The following ERBB4 variants were observed in gnomAD, a reference collection of about 807,000 sequenced individuals.
The protein encoded by ERBB4 is erb-b2 receptor tyrosine kinase 4.
ERBB4 carries 42 observed loss-of-function variants against 158.0 expected under a neutral mutation model. That is an observed-to-expected ratio of 0.27 (90% CI 0.21 to 0.34). ERBB4 has a LOEUF of 0.34. ERBB4 is among the 10% of genes least tolerant of loss of function. The pLI is 1.00. For synonymous variants in ERBB4, 583 were observed against 558.7 expected, an observed-to-expected ratio of 1.04 and a Z score of -0.61; for missense variants, 1,333 against 1,624.1, an observed-to-expected ratio of 0.82 and a Z score of 3.08.
intron 2 of ERBB4, among the ~76,000 whole-genome samples, chr2:211,956,482 C>A (rs1028530742): frequency 2.0e-5 from 3 of 151,982 alleles, no homozygotes; most frequent in African/African-American, 7.2e-5. Flanking sequence ...AATTTGGGTT[C>A]TGTAGTCTCA....
intron 19 of ERBB4, among the ~76,000 whole-genome samples, chr2:211,570,532 G>GAAAA (rs71054112): frequency 6.8e-6 from 1 of 146,138 alleles, no homozygotes; most frequent in Non-Finnish European, 1.5e-5. Flanking sequence ...TCTGGGCAGG[G>GAAAA]AAAAAAAAAA....
chr2:211,555,239 G>A (rs1422829313), intron 20 of ERBB4, among the ~76,000 whole-genome samples: 1 of 152,026 alleles, frequency 6.6e-6, no homozygotes, highest in Non-Finnish European at 1.5e-5. Flanking sequence ...AGGCTGGAGT[G>A]CAATGGCACG....
chr2:212,099,896 A>G (rs974538516), intron 2 of ERBB4, among the ~76,000 whole-genome samples: 2 of 151,812 alleles, frequency 1.3e-5, no homozygotes, highest in African/African-American at 4.8e-5. Context: ...TCTGCAGCAT[A>G]CTAATTCCAT....
chr2:211,391,148 T>C (rs529935087), intron 25 of ERBB4, among the ~76,000 whole-genome samples: 73 of 152,328 alleles, frequency 4.8e-4, no homozygotes, highest in Admixed American at 4.4e-3. Context: ...AGATTTTACT[T>C]GTTTTTGCTG....
intron 4 of ERBB4, among the ~76,000 whole-genome samples, chr2:211,757,276 A>G (rs1219792935): frequency 6.6e-6 from 1 of 152,168 alleles, no homozygotes; most frequent in Non-Finnish European, 1.5e-5. Flanking sequence ...GGAAACTTTA[A>G]CTTTCATACA....
At chr2:212,379,356 ACAG>A (rs1364150199) in intron 1 of ERBB4, among the ~76,000 whole-genome samples, 6 of 151,748 alleles carry the variant, frequency 4.0e-5, no homozygotes, top group Non-Finnish European at 7.4e-5. Flanking sequence ...AAGAAAGAGC[ACAG>A]CTATGTGAAG....
intron 1 of ERBB4, among the ~76,000 whole-genome samples, chr2:212,322,477 A>G (rs1313419423): frequency 6.6e-6 from 1 of 150,602 alleles, no homozygotes; most frequent in African/African-American, 2.4e-5. Context: ...TGATTACTAA[A>G]TGTCTTCTAG....
At chr2:211,388,062 A>C in intron 25 of ERBB4, 70 bp from the exon 26 acceptor site, 1 of 1,234,666 alleles carries the variant, frequency 8.1e-7, no homozygotes, top group Non-Finnish European at 1.2e-6. Flanking sequence ...TAAAAAAAGA[A>C]ACGAAAAAGA....
intron 3 of ERBB4, among the ~76,000 whole-genome samples, chr2:211,894,198 T>C (rs1575333485): frequency 1.7e-5 from 2 of 120,920 alleles, no homozygotes; most frequent in African/African-American, 6.6e-5. Flanking sequence ...TAAGAAAATG[T>C]GGCACATATA....
At chr2:212,163,126 T>C (rs963225204) in intron 1 of ERBB4, among the ~76,000 whole-genome samples, 1 of 152,014 alleles carries the variant, frequency 6.6e-6, no homozygotes, top group Non-Finnish European at 1.5e-5. Flanking sequence ...TTTTATGGCA[T>C]GTTTTTTGCT....
At chr2:211,918,325 C>A (rs2079758180) in intron 3 of ERBB4, among the ~76,000 whole-genome samples, 1 of 151,956 alleles carries the variant, frequency 6.6e-6, no homozygotes, top group Non-Finnish European at 1.5e-5. Flanking sequence ...ATATTTAAAA[C>A]TTTTTTTTAT....
chr2:212,174,199 G>A (rs2125677542), intron 1 of ERBB4, among the ~76,000 whole-genome samples: 1 of 152,120 alleles, frequency 6.6e-6, no homozygotes, highest in Middle Eastern at 3.4e-3. Flanking sequence ...TTTAAAATCT[G>A]ACATTTTTGG....
chr2:212,066,242 G>A (rs1292221490), intron 2 of ERBB4, among the ~76,000 whole-genome samples: 3 of 151,934 alleles, frequency 2.0e-5, no homozygotes, highest in African/African-American at 7.2e-5. Context: ...TAAAGATTAA[G>A]AGGGTTTTCA....
At chr2:212,025,631 A>G (rs2076755774) in intron 2 of ERBB4, among the ~76,000 whole-genome samples, 1 of 151,802 alleles carries the variant, frequency 6.6e-6, no homozygotes, top group African/African-American at 2.4e-5. Context: ...TGCATTAATT[A>G]TATCATAAGA....
intron 2 of ERBB4, among the ~76,000 whole-genome samples, chr2:212,032,709 G>C (rs1476593833): frequency 6.6e-6 from 1 of 151,930 alleles, no homozygotes; most frequent in Non-Finnish European, 1.5e-5. Flanking sequence ...ATTTGGTGGG[G>C]GAGGGTGGTA....
chr2:211,522,800 G>T (rs1033049471), intron 20 of ERBB4, among the ~76,000 whole-genome samples: 2 of 151,998 alleles, frequency 1.3e-5, no homozygotes, highest in Non-Finnish European at 2.9e-5. Context: ...CATGTACACT[G>T]CTTTTTAGAT....
chr2:212,016,213 T>A (rs2076526740), intron 2 of ERBB4, among the ~76,000 whole-genome samples: 1 of 151,714 alleles, frequency 6.6e-6, no homozygotes, highest in African/African-American at 2.4e-5. Context: ...CAAGTTCACA[T>A]CAGGGGAACC....
chr2:212,068,735 T>C (rs2078017734), intron 2 of ERBB4, among the ~76,000 whole-genome samples: 1 of 152,104 alleles, frequency 6.6e-6, no homozygotes, highest in Admixed American at 6.6e-5. Context: ...AAATCATCTC[T>C]GCTCATTGGA....
intron 3 of ERBB4, among the ~76,000 whole-genome samples, chr2:211,916,308 T>C (rs1231064461): frequency 2.6e-5 from 4 of 152,026 alleles, no homozygotes; most frequent in Admixed American, 6.6e-5. Flanking sequence ...GCCTCCCGAG[T>C]ATCTGGGATT....
Sources: allele counts gnomAD v4.1 joint callset (sites outside exome capture counted in the v4.1 genomes callset), GRCh38; gene constraint gnomAD v4.1.1; transcripts MANE v1.5; gene names NCBI Gene and HGNC (gene_info 2026-07-23, HGNC 2026-07-21).